Variants in ANK2 observed in about 807,000 individuals in gnomAD.
ANK2 encodes ankyrin 2.
ANK2 carries 83 observed loss-of-function variants against 360.5 expected under a neutral mutation model. That is an observed-to-expected ratio of 0.23 (90% CI 0.19 to 0.28). The LOEUF is 0.28. Among genes scored for constraint, ANK2 ranks in the 10% least tolerant of loss-of-function variants. The probability of loss-of-function intolerance (pLI) is 1.00; values close to 1 mark genes in which losing one functional copy is unlikely to be tolerated. For missense variants in ANK2, 4,201 were observed against 4,795.7 expected (o/e 0.88, Z 3.66); for synonymous variants, 1,740 against 1,759.5 (o/e 0.99, Z 0.28).
intron 2 of ANK2, among the ~76,000 whole-genome samples, chr4:113,178,587 A>AAG (rs1215160066): frequency 3.9e-5 from 6 of 152,048 alleles, no homozygotes; most frequent in African/African-American, 1.2e-4. Flanking sequence ...AAAAAAAAAA[A>AAG]AATTCCCCAA....
At chr4:113,125,353 G>C (rs28631937) in intron 1 of ANK2, among the ~76,000 whole-genome samples, 1 of 151,864 alleles carries the variant, frequency 6.6e-6, no homozygotes, top group Admixed American at 6.6e-5. Flanking sequence ...TGATTTTTGC[G>C]TTTGAAACAA....
At chr4:113,205,869 C>G in intron 4 of ANK2, among the ~76,000 whole-genome samples, 1 of 152,234 alleles carries the variant, frequency 6.6e-6, no homozygotes, top group African/African-American at 2.4e-5. Context: ...TTAGAGCCAT[C>G]CTTGGCTCTG....
chr4:113,066,305 T>C (rs1159390884), intron 1 of ANK2, among the ~76,000 whole-genome samples: 2 of 152,216 alleles, frequency 1.3e-5, no homozygotes, highest in Non-Finnish European at 2.9e-5. Flanking sequence ...GTTCAATTAC[T>C]ATGGTACTCT....
chr4:113,234,685 T>C (rs2099357393), intron 5 of ANK2, among the ~76,000 whole-genome samples: 1 of 152,226 alleles, frequency 6.6e-6, no homozygotes, highest in South Asian at 2.1e-4. Flanking sequence ...GTTTGGTAGC[T>C]AATTTGCAAA....
chr4:113,332,961 A>C, intron 28 of ANK2, 93 bp from the exon 29 acceptor site: 1 of 1,581,842 alleles, frequency 6.3e-7, no homozygotes, highest in Non-Finnish European at 8.7e-7. Context: ...CAGCAAAAGA[A>C]GAATTCCAGG....
chr4:113,252,052 G>A (rs145657217), intron 10 of ANK2, among the ~76,000 whole-genome samples: 29 of 152,114 alleles, frequency 1.9e-4, no homozygotes, highest in African/African-American at 6.8e-4. Flanking sequence ...GAAGTTTAAT[G>A]GATTCACAGT....
chr4:112,858,051 A>G (rs998998797), intron 1 of ANK2, among the ~76,000 whole-genome samples: 1 of 152,136 alleles, frequency 6.6e-6, no homozygotes, highest in Non-Finnish European at 1.5e-5. Flanking sequence ...ACATATATAT[A>G]TGTTCTTGTC....
intron 37 of ANK2, chr4:113,350,587 T>A (rs1296689084): frequency 1.1e-5 from 3 of 266,680 alleles, no homozygotes; most frequent in Non-Finnish European, 2.2e-5. Context: ...CATCTCATCA[T>A]TTTTTAAGCA....
chr4:112,855,504 A>G (rs1047065689), intron 1 of ANK2, among the ~76,000 whole-genome samples: 3 of 152,208 alleles, frequency 2.0e-5, no homozygotes, highest in African/African-American at 7.2e-5. Context: ...CTATATTTTT[A>G]GAGCACAATT....
chr4:113,353,857 C>T lies in ANK2; in HGVS notation c.5239C>T (p.Pro1747Ser), dbSNP rs2154019264. The T allele has an allele frequency of 6.2e-7, 1 of 1,613,986 alleles. No individual in the cohort carries two copies. The highest frequency in any genetic ancestry group is 8.5e-7 in the Non-Finnish European group (1 of 1,179,964). ...LGEDPGLAPE[P>S]LPTVKATSPL... is the part of the protein sequence containing the mutation. ...TGAAGACCCAGGTTTAGCCCCTGAA[C>T]CCCTTCCCACTGTCAAGGCCACATC... is the stretch of plus-strand genomic sequence containing the variant. The change falls in exon 38 of 46, where the codon CCC (proline) becomes TCC (serine). Residue 1747 changes from proline to serine, a missense_variant. By Grantham distance (74) the Pro-to-Ser change is moderately conservative. Transcript: ENST00000357077.
chr4:113,115,809 A>G (rs1019154550), intron 1 of ANK2, among the ~76,000 whole-genome samples: 2 of 152,150 alleles, frequency 1.3e-5, no homozygotes, highest in Non-Finnish European at 2.9e-5. Flanking sequence ...GAGCATTTTT[A>G]ATGTTATTTT....
chr4:112,737,243 G>T, the ANK2 span, among the ~76,000 whole-genome samples: 1 of 152,132 alleles, frequency 6.6e-6, no homozygotes, highest in African/African-American at 2.4e-5. Context: ...ATAACTAAAA[G>T]AAAAATGCTA....
intron 1 of ANK2, among the ~76,000 whole-genome samples, chr4:113,051,432 A>C (rs1277728067): frequency 6.6e-6 from 1 of 152,174 alleles, no homozygotes; most frequent in African/African-American, 2.4e-5. Context: ...AGACAACGAA[A>C]TCATCCTATG....
chr4:113,178,988 A>G (rs1261377055), intron 2 of ANK2, among the ~76,000 whole-genome samples: 2 of 152,196 alleles, frequency 1.3e-5, no homozygotes, highest in African/African-American at 4.8e-5. Context: ...TTTTTAATCT[A>G]CTACTGCTAA....
intron 1 of ANK2, among the ~76,000 whole-genome samples, chr4:113,094,370 G>GA (rs1312698898): frequency 2.0e-5 from 3 of 152,108 alleles, no homozygotes; most frequent in Non-Finnish European, 2.9e-5. Context: ...TCAGCCGTTA[G>GA]AAAAAAGACG....
At chr4:113,094,110 A>G (rs1034501691) in intron 1 of ANK2, among the ~76,000 whole-genome samples, 12 of 152,208 alleles carry the variant, frequency 7.9e-5, no homozygotes, top group Admixed American at 5.9e-4. Flanking sequence ...TTCCCAGTGA[A>G]CATGCAGCCA....
intron 1 of ANK2, among the ~76,000 whole-genome samples, chr4:113,136,045 G>A (rs529955172): frequency 6.6e-6 from 1 of 152,246 alleles, no homozygotes; most frequent in Admixed American, 6.5e-5. Flanking sequence ...TGAGAAGAAT[G>A]AAATAAATGT....
chr4:113,173,898 C>T (rs1583835257), intron 1 of ANK2: 1 of 160,090 alleles, frequency 6.2e-6, no homozygotes, highest in Admixed American at 6.2e-5. Context: ...TTCTGTTATT[C>T]CCTTCTAATG....
intron 41 of ANK2, among the ~76,000 whole-genome samples, chr4:113,367,039 ACT>A (rs1289904652): frequency 6.6e-6 from 1 of 152,088 alleles, no homozygotes; most frequent in African/African-American, 2.4e-5. Context: ...GTCATAAAAG[ACT>A]CTACATAAAA....
Sources: gnomAD v4.1 joint callset for allele counts (sites outside exome capture counted in the v4.1 genomes callset) on GRCh38, gnomAD v4.1.1 for gene constraint, MANE v1.5 for transcripts, NCBI Gene and HGNC (gene_info 2026-07-23, HGNC 2026-07-21) for gene names.